Variants in HEATR4 observed in about 807,000 individuals in gnomAD.
HEATR4 encodes HEAT repeat containing 4, also known as HEAT repeat-containing protein 4.
In HEATR4, 95 loss-of-function variants were observed where a neutral mutation model predicts 108.8. That is an observed-to-expected ratio of 0.87 (90% CI 0.74 to 1.04). HEATR4 has a LOEUF of 1.04. Ranked by LOEUF, HEATR4 falls within the 50% of genes least tolerant of loss-of-function variation. HEATR4 has a pLI of 0.00. For synonymous variants in HEATR4, 443 were observed against 459.4 expected, an observed-to-expected ratio of 0.96 and a Z score of 0.46; for missense variants, 1,152 against 1,253.8, an observed-to-expected ratio of 0.92 and a Z score of 1.23.
At position 73,522,730 on chromosome 14, in the gene HEATR4, A is replaced by C; in HGVS notation, c.423T>G (p.Ser141=). The C allele has an allele frequency of 6.2e-7, 1 of 1,614,208 alleles. No homozygotes were observed. Among genetic ancestry groups the C allele is most frequent in the Non-Finnish European group, 8.5e-7 (1 of 1,180,034 alleles). The change falls in exon 3 of 18, where the codon TCT becomes TCG. Residue 141 remains serine, a synonymous_variant. Transcript: ENST00000553558. ...TCTTCAGCTTCTTTTCGGGATTGGC[A>C]GAGCTTTCTGTCTTCACAGCCAGGG... ...DTSLAVKTES[S]ANPEKKLKKS... is the part of the protein sequence containing the mutation.
chr14:73,561,312 G>T (rs1595165555), upstream of HEATR4, among the ~76,000 whole-genome samples: 1 of 151,664 alleles, frequency 6.6e-6, no homozygotes, highest in East Asian at 1.9e-4. Flanking sequence ...GTTGCAGTGA[G>T]CCAAGATCTC....
At chr14:73,626,789 C>CTTTTTTT in the HEATR4 span, among the ~76,000 whole-genome samples, 1 of 82,358 alleles carries the variant, frequency 1.2e-5, no homozygotes. Flanking sequence ...GACAAACAGC[C>CTTTTTTT]TTTTTTTTTT....
At chr14:73,556,350 A>G (rs1459083254) in intron 1 of HEATR4, among the ~76,000 whole-genome samples, 1 of 111,372 alleles carries the variant, frequency 9.0e-6, no homozygotes, top group African/African-American at 2.9e-5. Context: ...GCTTGAACCC[A>G]GGAGGCGGAG....
the HEATR4 span, among the ~76,000 whole-genome samples, chr14:73,576,479 T>C: frequency 6.6e-6 from 1 of 151,900 alleles, no homozygotes; most frequent in African/African-American, 2.4e-5. Flanking sequence ...ATTACATAAG[T>C]GATTTTAACA....
At chr14:73,527,840 A>G (rs954062637) in intron 2 of HEATR4, among the ~76,000 whole-genome samples, 1 of 150,876 alleles carries the variant, frequency 6.6e-6, no homozygotes, top group Non-Finnish European at 1.5e-5. Flanking sequence ...TTAGCCAGTC[A>G]TGGTGGCAGG....
At chr14:73,589,944 T>G in the HEATR4 span, among the ~76,000 whole-genome samples, 4 of 152,028 alleles carry the variant, frequency 2.6e-5, no homozygotes, top group Admixed American at 6.6e-5. Flanking sequence ...TCGTTCCTCC[T>G]GGTGAGTTCG....
At position 73,509,337 on chromosome 14, in the gene HEATR4, G is replaced by A. The variant is rs574383200; in HGVS notation, c.1695C>T (p.Asn565=). 1.9e-6 allele frequency: 3 copies of A among 1,614,138 alleles called. No homozygotes were observed. In the South Asian group the frequency reaches 3.3e-5, roughly 18 times the overall value. ...AIQSHNPLAR[N]IMQTALLKGN... is the part of the protein sequence containing the mutation. ...CCTTCAGAAGGGCAGTCTGCATGAT[G>A]TTCCGGGCAAGGGGATTATGTGACT... The change falls in exon 8 of 18, where the codon AAC becomes AAT. Residue 565 remains asparagine, a synonymous_variant. Coordinates refer to ENST00000553558, the MANE Select transcript of HEATR4 (RefSeq NM_001220484.1).
chr14:73,569,543 C>A, the HEATR4 span: 1 of 1,605,028 alleles, frequency 6.2e-7, no homozygotes, highest in East Asian at 2.2e-5. Flanking sequence ...CGTCCCTGCG[C>A]GACGAGAAGG....
chr14:73,501,566 TCTC>T (rs1023721163), intron 11 of HEATR4, among the ~76,000 whole-genome samples: 2 of 138,810 alleles, frequency 1.4e-5, no homozygotes, highest in African/African-American at 2.7e-5. Context: ...GCAGTCTCTC[TCTC>T]TTTTTTTTTT....
chr14:73,510,335 A>G (rs1887165642), intron 7 of HEATR4, among the ~76,000 whole-genome samples: 1 of 152,144 alleles, frequency 6.6e-6, no homozygotes, highest in South Asian at 2.1e-4. Context: ...TAAGACTGTC[A>G]TGGGCCATGC....
rs1272779489 is a variant in HEATR4, at chr14:73,523,102, C to T, written c.51G>A (p.Gln17=). 3 of 1,610,202 alleles carry T rather than the reference C, an allele frequency of 1.9e-6. No homozygotes were observed. Among genetic ancestry groups the T allele is most frequent in the Non-Finnish European group, 2.5e-6 (3 of 1,179,990 alleles). Residue 17 remains glutamine, a synonymous_variant, in exon 3 of 18, where the codon CAG becomes CAA. Coordinates refer to ENST00000553558, the MANE Select transcript of HEATR4 (RefSeq NM_001220484.1). ...GKTFLPHCFY[Q]SLPPRLGWGM... ...CCCATCCCAGTCGTGGGGGCAGTGA[C>T]TGATAGAAGCAATGGGGGAGAAAGG...
rs1031492100 is a variant in HEATR4 at position 73,502,875 on chromosome 14, T to A, written c.2105+20A>T. 1.3e-6 allele frequency: 2 copies of A among 1,569,804 alleles called. No homozygotes were observed. Among genetic ancestry groups the A allele is most frequent in the African/African-American group, 2.7e-5 (2 of 74,026 alleles). ...TCTAAGAATTTAGAAGAGTGTCTCC[T>A]CATGTTGACTGGGTCTTACCTGATT... On this transcript the variant is annotated intron_variant, in intron 11 of 17. Transcript: ENST00000553558.
At chr14:73,480,315 C>T (rs2140238517) in intron 17 of HEATR4, among the ~76,000 whole-genome samples, 1 of 152,138 alleles carries the variant, frequency 6.6e-6, no homozygotes, top group East Asian at 1.9e-4. Context: ...GGCGCAGATG[C>T]CTGTAATCTC....
intron 10 of HEATR4, among the ~76,000 whole-genome samples, chr14:73,504,295 C>T (rs976054724): frequency 4.0e-5 from 6 of 149,902 alleles, no homozygotes; most frequent in East Asian, 3.9e-4. Context: ...CAGGCTGGGG[C>T]GCAGTGGTGC....
chr14:73,484,568 C>T lies in HEATR4; in HGVS notation c.2845-5726G>A, dbSNP rs536977911. On this transcript the variant is annotated intron_variant, in intron 17 of 17. Coordinates refer to ENST00000553558, the MANE Select transcript of HEATR4 (RefSeq NM_001220484.1). ...TAATTTTTGTATTTTTTAGTAGAGA[C>T]GGGGTTTCACTATGTTGGCCAGGCT... Among the ~76,000 whole-genome samples, 12 of 151,458 alleles carry T rather than the reference C, an allele frequency of 7.9e-5. No homozygotes were observed. In the East Asian group the frequency reaches 1.8e-3, roughly 22 times the overall value.
At chr14:73,630,412 C>T in the HEATR4 span, among the ~76,000 whole-genome samples, 10 of 152,336 alleles carry the variant, frequency 6.6e-5, no homozygotes, top group East Asian at 1.9e-4. Context: ...GTTCTCGCAA[C>T]GTATTTTCCT....
At chr14:73,563,949 T>C in the HEATR4 span, among the ~76,000 whole-genome samples, 1 of 151,712 alleles carries the variant, frequency 6.6e-6, no homozygotes, top group African/African-American at 2.4e-5. Flanking sequence ...TGCAATGAAC[T>C]ATCATGGTGC....
At chr14:73,501,563 C>G (rs1174583016) in intron 11 of HEATR4, among the ~76,000 whole-genome samples, 3 of 144,240 alleles carry the variant, frequency 2.1e-5, no homozygotes, top group Non-Finnish European at 4.5e-5. Flanking sequence ...TATGCAGTCT[C>G]TCTCTCTTTT....
upstream of HEATR4, among the ~76,000 whole-genome samples, chr14:73,563,543 T>C (rs1260467838): frequency 6.6e-6 from 1 of 151,870 alleles, no homozygotes; most frequent in Non-Finnish European, 1.5e-5. Context: ...TGCAGTGAGC[T>C]GAGATCGCGC....
Sources: allele counts gnomAD v4.1 joint callset (sites outside exome capture counted in the v4.1 genomes callset), GRCh38; gene constraint gnomAD v4.1.1; transcripts MANE v1.5; gene names NCBI Gene and HGNC (gene_info 2026-07-23, HGNC 2026-07-21).